SARDH: variants seen among roughly 807,000 people sequenced by gnomAD.
SARDH encodes the protein sarcosine dehydrogenase.
SARDH carries 95 observed loss-of-function variants against 109.1 expected under a neutral mutation model. That is an observed-to-expected ratio of 0.87 (90% CI 0.74 to 1.03). The LOEUF (loss-of-function observed/expected upper bound fraction) is 1.03, where lower values mean the gene tolerates loss of function less well. Ranked by LOEUF, SARDH falls within the 50% of genes least tolerant of loss-of-function variation. The pLI is 0.00. For synonymous variants in SARDH, 572 were observed against 534.8 expected (o/e 1.07, Z -0.96); for missense variants, 1,267 against 1,287.8 (o/e 0.98, Z 0.25).
intron 17 of SARDH, among the ~76,000 whole-genome samples, chr9:133,672,381 T>G (rs1830381140): frequency 6.6e-6 from 1 of 152,176 alleles, no homozygotes; most frequent in African/African-American, 2.4e-5. Context: ...AGGATGTAGA[T>G]ATATGTTTTG....
intron 10 of SARDH, among the ~76,000 whole-genome samples, chr9:133,710,534 G>A (rs1217849300): frequency 2.6e-5 from 4 of 152,258 alleles, no homozygotes; most frequent in Non-Finnish European, 5.9e-5. Context: ...CGACCCACGC[G>A]TGTTCTGGCT....
rs975575051 is a variant in SARDH, at chr9:133,686,366, CCT to C, written c.2070-1082_2070-1081del. Among the ~76,000 whole-genome samples, 6 of 152,190 alleles carry C rather than the reference CCT, an allele frequency of 3.9e-5. No homozygotes were observed. Among genetic ancestry groups the C allele is most frequent in the South Asian group, 2.1e-4 (1 of 4,818 alleles). ...GCCCCTTCGCATTCTCACCCCTTCC[CCT>C]GTCACCACTTAACCCTTTGTCATCC... On this transcript the variant is annotated intron_variant, in intron 16 of 20. Coordinates refer to ENST00000439388, the MANE Select transcript of SARDH (RefSeq NM_001134707.2). This position sits in a 1 kb window ranked among gnomAD's most constrained non-coding sequence, Gnocchi z 4.0.
At position 133,736,757 on chromosome 9, in the gene SARDH, G is replaced by A. The variant is rs1564307090; in HGVS notation, c.-31+1497C>T. Among the ~76,000 whole-genome samples, 5 of 152,288 alleles carry A rather than the reference G, an allele frequency of 3.3e-5. No homozygotes were observed. In the South Asian group the frequency reaches 1.0e-3, roughly 32 times the overall value. On this transcript the variant is annotated intron_variant, in intron 1 of 20. Transcript: ENST00000439388. ...TCACAACAGCCCTCAATGGAAGGGTGGGGTGGTGTCCTGCCCAGTGTGGAC... is the reference window on the plus strand; with the variant it reads ...TCACAACAGCCCTCAATGGAAGGGTAGGGTGGTGTCCTGCCCAGTGTGGAC...
intron 2 of SARDH, among the ~76,000 whole-genome samples, chr9:133,733,303 C>A (rs921798899): frequency 6.6e-6 from 1 of 152,242 alleles, no homozygotes; most frequent in Non-Finnish European, 1.5e-5. Flanking sequence ...AACTGGCCAA[C>A]ACTGCAGGTC....
At chr9:133,707,861 A>G (rs1273135780) in intron 11 of SARDH, among the ~76,000 whole-genome samples, 1 of 152,164 alleles carries the variant, frequency 6.6e-6, no homozygotes, top group Non-Finnish European at 1.5e-5. Flanking sequence ...TCACCAGGGC[A>G]GAAGAGCCTC....
downstream of SARDH, among the ~76,000 whole-genome samples, chr9:133,662,130 G>A (rs1228119249): frequency 2.0e-5 from 3 of 152,090 alleles, no homozygotes; most frequent in East Asian, 1.9e-4. This position sits in a 1 kb window ranked among gnomAD's most constrained non-coding sequence, Gnocchi z 5.1. Flanking sequence ...AGGGGCGGGG[G>A]AAGCACACAG....
intron 6 of SARDH, chr9:133,725,698 C>CAAAA: frequency 3.7e-6 from 1 of 270,364 alleles, no homozygotes; most frequent in Non-Finnish European, 7.5e-6. Flanking sequence ...ACAAAACAAA[C>CAAAA]AAACAAAAAA....
At position 133,712,997 on chromosome 9, in the gene SARDH, C is replaced by T. The variant is rs771420475; in HGVS notation, c.1237+41G>A. ...CCCCAGAGCTCTGGGAATGACAGGACCTCCCTCTTGGGGGCCAGGAGGGCT... is the reference window on the plus strand; with the variant it reads ...CCCCAGAGCTCTGGGAATGACAGGATCTCCCTCTTGGGGGCCAGGAGGGCT... On this transcript the variant is annotated intron_variant, in intron 9 of 20. Coordinates refer to ENST00000439388, the MANE Select transcript of SARDH (RefSeq NM_001134707.2). The surrounding 1 kb of genome is among the most constrained non-coding windows in gnomAD (Gnocchi z 4.1). The T allele has an allele frequency of 4.5e-6, 7 of 1,566,332 alleles. No homozygotes were observed. In the African/African-American group the frequency reaches 8.1e-5, roughly 18 times the overall value.
In SARDH at chr9:133,720,949, G is replaced by A. The variant is rs117148148; in HGVS notation, c.916-1907C>T. On this transcript the variant is annotated intron_variant, in intron 6 of 20. Transcript: ENST00000439388. ...TTCAATGGAAGGGCCAGATAAGGCT[G>A]GGGCCATCATCCAGCGATTAGGCTA... is the stretch of plus-strand genomic sequence containing the variant. 1.8e-4 allele frequency among the ~76,000 whole-genome samples: 27 copies of A among 152,286 alleles called. No homozygotes were observed. In the East Asian group the frequency reaches 5.2e-3, roughly 29 times the overall value.
At chr9:133,670,189 T>C (rs539166333) in intron 19 of SARDH, among the ~76,000 whole-genome samples, 24 of 152,034 alleles carry the variant, frequency 1.6e-4, no homozygotes, top group Admixed American at 1.1e-3. Context: ...ATTAGCTGGG[T>C]GTGGTAGTGC....
At chr9:133,696,639 C>T (rs908442721) in intron 13 of SARDH, among the ~76,000 whole-genome samples, 10 of 152,036 alleles carry the variant, frequency 6.6e-5, no homozygotes, top group African/African-American at 2.4e-4. Flanking sequence ...GTCCTCTGAC[C>T]GCGATGTAAT....
intron 8 of SARDH, among the ~76,000 whole-genome samples, chr9:133,716,172 G>A (rs1158283636): frequency 1.3e-5 from 2 of 152,204 alleles, no homozygotes; most frequent in African/African-American, 4.8e-5. Flanking sequence ...TCCTCAGGCT[G>A]TGGCCACCCA....
intron 12 of SARDH, 154 bp from the exon 13 acceptor site, chr9:133,703,183 A>G (rs534902836): frequency 2.5e-5 from 17 of 670,372 alleles, no homozygotes; most frequent in Non-Finnish European, 4.4e-5. Flanking sequence ...GGACGCGGGC[A>G]GGGGGCCCCC....
In SARDH at chr9:133,712,891, T is replaced by C; in HGVS notation, c.1237+147A>G. On this transcript the variant is annotated intron_variant, in intron 9 of 20. Transcript: ENST00000439388. This position sits in a 1 kb window ranked among gnomAD's most constrained non-coding sequence, Gnocchi z 4.1. ...TGGACCCTGGCACAGGTGCACTCTC[T>C]GGGAAGCAGAAGGGGCTGGACTCCC... is the stretch of plus-strand genomic sequence containing the variant. 1.0e-6 allele frequency: 1 copy of C among 971,556 alleles called. No individual in the cohort carries two copies. Among genetic ancestry groups the C allele is most frequent in the Non-Finnish European group, 1.6e-6 (1 of 644,828 alleles). The allele number at this position is 971,556 out of a possible 1,614,324, so 60.2% of individuals were successfully genotyped here. A position where few individuals can be genotyped will look rare whatever the true frequency, so the allele number is the denominator to read the frequency against.
chr9:133,732,136 G>T (rs1044198842), intron 3 of SARDH, among the ~76,000 whole-genome samples: 3 of 152,158 alleles, frequency 2.0e-5, no homozygotes, highest in Non-Finnish European at 4.4e-5. Flanking sequence ...TCTGTCACCT[G>T]CCGGGGCTCC....
intron 14 of SARDH, among the ~76,000 whole-genome samples, chr9:133,695,764 A>G (rs1336752781): frequency 1.3e-5 from 2 of 152,232 alleles, no homozygotes; most frequent in East Asian, 3.9e-4. Context: ...GAAAAGGCAG[A>G]TGAAGATCCC....
chr9:133,734,200 G>A lies in SARDH; in HGVS notation c.-27C>T, dbSNP rs773321637. 39 of 1,508,354 alleles carry A rather than the reference G, an allele frequency of 2.6e-5. 2 individuals are homozygous for A. The South Asian group carries it at 4.4e-4, about 17-fold the overall frequency. The allele number at this position is 1,508,354 out of a possible 1,614,324, so 93.4% of individuals were successfully genotyped here. A position where few individuals can be genotyped will look rare whatever the true frequency, so the allele number is the denominator to read the frequency against. On this transcript the variant is annotated 5_prime_UTR_variant, in exon 2 of 21. Transcript: ENST00000439388. Reference sequence around the variant, plus strand: ...GGGGCTCCAGGCCTCAGCGAAACAGGGAGCTGGGGAGAGAATCAGAGCTGG... The same window carrying A: ...GGGGCTCCAGGCCTCAGCGAAACAGAGAGCTGGGGAGAGAATCAGAGCTGG...
At chr9:133,701,544 G>A (rs1343587330) in intron 13 of SARDH, among the ~76,000 whole-genome samples, 2 of 152,246 alleles carry the variant, frequency 1.3e-5, no homozygotes, top group Non-Finnish European at 2.9e-5. Flanking sequence ...CGCGTTTGCG[G>A]AGGCCGGATG....
At chr9:133,660,064 CTCACCCCCCACT>C (rs1456658014), downstream of SARDH, among the ~76,000 whole-genome samples, 1 of 147,656 alleles carries the variant, frequency 6.8e-6, no homozygotes, top group African/African-American at 2.5e-5. Context: ...CCACCCCCAC[CTCACCCCCCACT>C]CACACTCTTG....
Sources: gnomAD v4.1 joint callset for allele counts (sites outside exome capture counted in the v4.1 genomes callset) on GRCh38, gnomAD v4.1.1 for gene constraint, Gnocchi (gnomAD v3.1) non-coding constraint, MANE v1.5 for transcripts, NCBI Gene and HGNC (gene_info 2026-07-23, HGNC 2026-07-21) for gene names.